The following INPP5A variants were observed in gnomAD, a reference collection of about 807,000 sequenced individuals.
The protein encoded by INPP5A is 43 kDa inositol polyphosphate 5-phophatase.
In INPP5A, 14 loss-of-function variants were observed where a neutral mutation model predicts 65.2. That is an observed-to-expected ratio of 0.21 (90% CI 0.14 to 0.34). The LOEUF is 0.34. Ranked by LOEUF, INPP5A falls within the 10% of genes least tolerant of loss-of-function variation. The pLI, the probability that INPP5A is intolerant of heterozygous loss-of-function variation, is 1.00. For synonymous variants in INPP5A, 207 were observed against 208.3 expected (o/e 0.99, Z 0.05); for missense variants, 431 against 545.6 (o/e 0.79, Z 2.09).
Position 132,678,382 on chromosome 10 carries a change from G to T in INPP5A, c.307-12010G>T, listed in dbSNP as rs112944812. On this transcript the variant is annotated intron_variant, in intron 4 of 15. Coordinates refer to ENST00000368594, the MANE Select transcript of INPP5A (RefSeq NM_005539.5). This position sits in a 1 kb window ranked among gnomAD's most constrained non-coding sequence, Gnocchi z 4.1. ...ATCTAATGACTGTTATTATAACTTT[G>T]CTTTGATTTATTACTCAATCTGTTA... 1.3e-5 allele frequency among the ~76,000 whole-genome samples: 2 copies of T among 152,142 alleles called. No homozygotes were observed. The highest frequency in any genetic ancestry group is 2.9e-5 in the Non-Finnish European group (2 of 68,010).
Position 132,710,369 on chromosome 10 carries a change from A to G in INPP5A, c.560A>G (p.His187Arg). 6.2e-7 allele frequency: 1 copy of G among 1,614,144 alleles called. No homozygotes were observed. Among genetic ancestry groups the G allele is most frequent in the Non-Finnish European group, 8.5e-7 (1 of 1,180,022 alleles). ...GACTTGGTGAATATCCATCTTTTCC[A>G]TGATGCTTCCAATCTGGTCGCCTGG... ...AFDLVNIHLFHDASNLVAWET... is the reference protein window; with the variant it reads ...AFDLVNIHLFRDASNLVAWET... The change falls in exon 8 of 16, where the codon CAT becomes CGT. Residue 187 changes from histidine (H) to arginine (R), a missense_variant. By Grantham distance (29) the His-to-Arg change is conservative. Transcript: ENST00000368594.
chr10:132,735,688 G>A (rs1003395403), intron 9 of INPP5A, among the ~76,000 whole-genome samples: 2 of 152,234 alleles, frequency 1.3e-5, no homozygotes, highest in Non-Finnish European at 2.9e-5. Context: ...TCAGTGGCAG[G>A]CTTGCTGGAA....
rs1161763073 is a variant in INPP5A, at chr10:132,545,842, G to A, written c.75+7671G>A. The stretch of plus-strand genomic sequence containing the variant: ...CCCCCTGCTTTGTGGAGCTCTGAGC[G>A]CTGGCTCCAGGCCGGCTTTCAGGAA... On this transcript the variant is annotated intron_variant, in intron 1 of 15. Transcript: ENST00000368594. The surrounding 1 kb of genome is among the most constrained non-coding windows in gnomAD (Gnocchi z 4.6). Among the ~76,000 whole-genome samples, 5 of 152,204 alleles carry A rather than the reference G, an allele frequency of 3.3e-5. No homozygotes were observed. The highest frequency in any genetic ancestry group is 3.2e-3 in the Middle Eastern group (1 of 316).
rs1461873838 is a variant in INPP5A at position 132,722,357 on chromosome 10, G to A, written c.648-4464G>A. On this transcript the variant is annotated intron_variant, in intron 8 of 15. Coordinates refer to ENST00000368594, the MANE Select transcript of INPP5A (RefSeq NM_005539.5). ...TGTCCTGGTTGGATGAATGTCTCAC[G>A]GCCAGTTTGCTTCCCACACTGCACT... Among the ~76,000 whole-genome samples, 5 of 152,114 alleles carry A rather than the reference G, an allele frequency of 3.3e-5. No individual in the cohort carries two copies. The South Asian group carries it at 1.0e-3, about 32-fold the overall frequency.
intron 1 of INPP5A, among the ~76,000 whole-genome samples, chr10:132,572,163 G>A (rs941946025): frequency 6.6e-6 from 1 of 152,240 alleles, no homozygotes; most frequent in Non-Finnish European, 1.5e-5. Context: ...AAACCCACAG[G>A]GTATTGGCCC....
At chr10:132,582,803 CATTGAATTTT>C (rs1474256777) in intron 1 of INPP5A, among the ~76,000 whole-genome samples, 2 of 152,204 alleles carry the variant, frequency 1.3e-5, no homozygotes, top group Non-Finnish European at 2.9e-5. Context: ...TCCATCAGTC[CATTGAATTTT>C]ATTCCAGGTC....
At chr10:132,738,958 C>A (rs1337947163) in intron 9 of INPP5A, among the ~76,000 whole-genome samples, 2 of 152,204 alleles carry the variant, frequency 1.3e-5, no homozygotes. Context: ...ATAGGGTCCC[C>A]CTTCGGGTCT....
intron 1 of INPP5A, among the ~76,000 whole-genome samples, chr10:132,606,925 C>T (rs1317820681): frequency 6.6e-6 from 1 of 152,198 alleles, no homozygotes; most frequent in Non-Finnish European, 1.5e-5. Context: ...CGTTGTTGCA[C>T]GGATCTCTAG....
At chr10:132,761,050 G>A (rs1846723972) in intron 11 of INPP5A, among the ~76,000 whole-genome samples, 1 of 152,214 alleles carries the variant, frequency 6.6e-6, no homozygotes, top group African/African-American at 2.4e-5. Context: ...ACAAAGCCAG[G>A]CTCTTTGGAT....
At position 132,675,921 on chromosome 10, in the gene INPP5A, C is replaced by G. The variant is rs1193774875; in HGVS notation, c.307-14471C>G. Among the ~76,000 whole-genome samples, 10 of 152,096 alleles carry G rather than the reference C, an allele frequency of 6.6e-5. No homozygotes were observed. The highest frequency in any genetic ancestry group is 6.6e-4 in the Admixed American group (10 of 15,256). On this transcript the variant is annotated intron_variant, in intron 4 of 15. Coordinates refer to ENST00000368594, the MANE Select transcript of INPP5A (RefSeq NM_005539.5). This position sits in a 1 kb window ranked among gnomAD's most constrained non-coding sequence, Gnocchi z 4.2. ...ATTCTATATCCATAATGCACATAACCAGTTTCTCCAGAACATGTATACATG... is the reference window on the plus strand; with the variant it reads ...ATTCTATATCCATAATGCACATAACGAGTTTCTCCAGAACATGTATACATG...
chr10:132,540,788 G>A (rs932804742), intron 1 of INPP5A, among the ~76,000 whole-genome samples: 32 of 152,214 alleles, frequency 2.1e-4, no homozygotes, highest in African/African-American at 6.5e-4. Flanking sequence ...AATCTTTCTC[G>A]CCCAGTCTCA....
chr10:132,775,339 C>A (rs569431635), intron 12 of INPP5A, among the ~76,000 whole-genome samples: 106 of 152,118 alleles, frequency 7.0e-4, no homozygotes, highest in African/African-American at 2.4e-3. Context: ...CCTCCCCCCC[C>A]ACCCAGCAGG....
intron 9 of INPP5A, among the ~76,000 whole-genome samples, chr10:132,735,749 G>A (rs964066274): frequency 7.2e-5 from 11 of 152,238 alleles, no homozygotes; most frequent in African/African-American, 2.7e-4. Flanking sequence ...GGGAGGCCGG[G>A]CAGAGCCGGG....
intron 9 of INPP5A, among the ~76,000 whole-genome samples, chr10:132,740,458 C>T (rs1046926077): frequency 1.3e-5 from 2 of 152,192 alleles, no homozygotes; most frequent in African/African-American, 2.4e-5. Context: ...TATTCACGTT[C>T]ACCATGACTA....
At chr10:132,664,921 G>A (rs941243158) in intron 4 of INPP5A, among the ~76,000 whole-genome samples, 1 of 152,192 alleles carries the variant, frequency 6.6e-6, no homozygotes, top group East Asian at 1.9e-4. Context: ...TTAAGTATCG[G>A]AGTCCCCGAT....
rs367575297 is a variant in INPP5A at position 132,659,059 on chromosome 10, C to T, written c.306+8554C>T. On this transcript the variant is annotated intron_variant, in intron 4 of 15. Coordinates refer to ENST00000368594, the MANE Select transcript of INPP5A (RefSeq NM_005539.5). The surrounding 1 kb of genome is among the most constrained non-coding windows in gnomAD (Gnocchi z 5.5). ...GCCACCAAGGCTACCGACCTGGGCCCTGGGGATGAGCAGCCCAGGAGGCGA... is the reference window on the plus strand; with the variant it reads ...GCCACCAAGGCTACCGACCTGGGCCTTGGGGATGAGCAGCCCAGGAGGCGA... Among the ~76,000 whole-genome samples, 1 of 151,882 alleles carries T rather than the reference C, an allele frequency of 6.6e-6. No homozygotes were observed. Among genetic ancestry groups the T allele is most frequent in the Non-Finnish European group, 1.5e-5 (1 of 68,026 alleles).
chr10:132,624,413 C>T (rs1339543433), intron 2 of INPP5A, among the ~76,000 whole-genome samples: 2 of 152,302 alleles, frequency 1.3e-5, no homozygotes, highest in Admixed American at 1.3e-4. Flanking sequence ...CCGGCGCGCC[C>T]TCACCAGCAC....
At chr10:132,553,673 A>T (rs2071084618) in intron 1 of INPP5A, among the ~76,000 whole-genome samples, 1 of 135,258 alleles carries the variant, frequency 7.4e-6, no homozygotes, top group Admixed American at 7.5e-5. Context: ...GGATTGGTGA[A>T]TGCCTTCTCA....
intron 4 of INPP5A, among the ~76,000 whole-genome samples, chr10:132,658,934 C>T (rs913916565): frequency 3.3e-5 from 5 of 152,038 alleles, no homozygotes; most frequent in East Asian, 1.9e-4. Flanking sequence ...AGATAGGTGC[C>T]GCCAGCATCT....
Sources: allele counts gnomAD v4.1 joint callset (sites outside exome capture counted in the v4.1 genomes callset), GRCh38; gene constraint gnomAD v4.1.1; non-coding constraint Gnocchi (gnomAD v3.1); transcripts MANE v1.5; gene names NCBI Gene and HGNC (gene_info 2026-07-23, HGNC 2026-07-21).